The following DIS3L2 variants were observed in gnomAD, a reference collection of about 807,000 sequenced individuals.
The protein encoded by DIS3L2 is DIS3 like 3'-5' exoribonuclease 2.
In DIS3L2, 34 loss-of-function variants were observed where a neutral mutation model predicts 97.5. The ratio of observed to expected loss-of-function variants is 0.35; its 90% confidence interval spans 0.27 to 0.46. The LOEUF (loss-of-function observed/expected upper bound fraction) is 0.46. Ranked by LOEUF, DIS3L2 falls within the 20% of genes least tolerant of loss-of-function variation. The pLI, the probability that DIS3L2 is intolerant of heterozygous loss-of-function variation, is 1.00. For missense variants in DIS3L2, 1,038 were observed against 1,146.0 expected (o/e 0.91, Z 1.36); for synonymous variants, 435 against 445.2 (o/e 0.98, Z 0.29).
At chr2:232,044,114 G>GGGT (rs1314100840) in intron 5 of DIS3L2, among the ~76,000 whole-genome samples, 1 of 147,782 alleles carries the variant, frequency 6.8e-6, no homozygotes, top group African/African-American at 2.5e-5. Flanking sequence ...GGAGAGGCAG[G>GGGT]GGTGGTGGTG....
At chr2:232,331,417 GGCT>G (rs1695733100) in intron 16 of DIS3L2, among the ~76,000 whole-genome samples, 1 of 152,232 alleles carries the variant, frequency 6.6e-6, no homozygotes, top group Admixed American at 6.5e-5. Flanking sequence ...GGCAGAGACA[GGCT>G]GTATTTTAGG....
In DIS3L2 at chr2:232,246,025, A is replaced by G. The variant is rs148198384; in HGVS notation, c.1318-3214A>G. On this transcript the variant is annotated intron_variant, in intron 11 of 20. Coordinates refer to ENST00000325385, the MANE Select transcript of DIS3L2 (RefSeq NM_152383.5). ...ACACTGGAAGTGCCTACCATGCATCAGGTGTAGAGAGAGACAGGAGTGAGG... is the reference window on the plus strand; with the variant it reads ...ACACTGGAAGTGCCTACCATGCATCGGGTGTAGAGAGAGACAGGAGTGAGG... 1.1e-3 allele frequency among the ~76,000 whole-genome samples: 166 copies of G among 152,342 alleles called. 2 individuals are homozygous for G. Among genetic ancestry groups the G allele is most frequent in the African/African-American group, 3.8e-3 (159 of 41,576 alleles).
chr2:232,142,218 G>A (rs1252752915), intron 8 of DIS3L2, among the ~76,000 whole-genome samples: 1 of 152,098 alleles, frequency 6.6e-6, no homozygotes, highest in Non-Finnish European at 1.5e-5. Flanking sequence ...AGGCTGAGGA[G>A]GGGGCTCTTT....
At chr2:232,158,206 G>A (rs1255380884) in intron 8 of DIS3L2, among the ~76,000 whole-genome samples, 2 of 152,092 alleles carry the variant, frequency 1.3e-5, no homozygotes, top group Non-Finnish European at 2.9e-5. Flanking sequence ...CCTTACAATG[G>A]ATTTAATGCT....
chr2:231,989,339 TTG>T (rs59088969), intron 1 of DIS3L2, among the ~76,000 whole-genome samples: 52,633 of 146,532 alleles, frequency 0.36, 10,181 homozygotes, highest in Non-Finnish European at 0.46. Context: ...GTCAGTATAA[TTG>T]TGTGTGTGTG....
chr2:232,021,806 C>T (rs1052959117), intron 3 of DIS3L2, among the ~76,000 whole-genome samples: 1 of 152,080 alleles, frequency 6.6e-6, no homozygotes, highest in Non-Finnish European at 1.5e-5. Flanking sequence ...AGACCTTCCT[C>T]CCTTGGTCCC....
intron 10 of DIS3L2, among the ~76,000 whole-genome samples, chr2:232,216,192 G>A (rs1021642430): frequency 1.3e-5 from 2 of 152,178 alleles, no homozygotes; most frequent in Non-Finnish European, 2.9e-5. Context: ...CCCTTTTACA[G>A]TGTGGCTTCA....
intron 6 of DIS3L2, among the ~76,000 whole-genome samples, chr2:232,105,177 T>C (rs771262930): frequency 1.1e-4 from 17 of 152,234 alleles, no homozygotes; most frequent in Non-Finnish European, 2.5e-4. Context: ...CCTTTGGCTA[T>C]TGAATAGTGA....
intron 12 of DIS3L2, among the ~76,000 whole-genome samples, chr2:232,261,991 A>G (rs781754880): frequency 6.6e-6 from 1 of 152,204 alleles, no homozygotes; most frequent in Non-Finnish European, 1.5e-5. Context: ...TGCCTGTCTC[A>G]TAGCAATTGC....
chr2:232,057,297 T>C (rs981586142), intron 5 of DIS3L2, among the ~76,000 whole-genome samples: 1 of 152,296 alleles, frequency 6.6e-6, no homozygotes, highest in Admixed American at 6.5e-5. Flanking sequence ...ATTCTCCTCC[T>C]TAAATACACA....
At chr2:232,129,516 T>C (rs1342095112) in intron 6 of DIS3L2, among the ~76,000 whole-genome samples, 5 of 152,254 alleles carry the variant, frequency 3.3e-5, no homozygotes, top group Non-Finnish European at 7.3e-5. Context: ...TTGTGTTTGC[T>C]TTTACTTTTT....
chr2:232,075,460 G>A (rs1441967247), intron 5 of DIS3L2, among the ~76,000 whole-genome samples: 1 of 152,104 alleles, frequency 6.6e-6, no homozygotes, highest in East Asian at 1.9e-4. Context: ...CATTATTTGA[G>A]TCTTCCCCAA....
At chr2:232,275,433 T>G (rs1186071572) in intron 13 of DIS3L2, among the ~76,000 whole-genome samples, 1 of 152,196 alleles carries the variant, frequency 6.6e-6, no homozygotes, top group Non-Finnish European at 1.5e-5. Flanking sequence ...CTGTTCACAG[T>G]GATCTGATGT....
chr2:232,010,421 G>A lies in DIS3L2; in HGVS notation c.-93-4414G>A, dbSNP rs149142874. Among the ~76,000 whole-genome samples the A allele has an allele frequency of 3.3e-3, 496 of 152,032 alleles. 1 individual carries two copies. The highest frequency in any genetic ancestry group is 4.6e-3 in the Non-Finnish European group (316 of 67,966). On this transcript the variant is annotated intron_variant, in intron 1 of 20. Coordinates refer to ENST00000325385, the MANE Select transcript of DIS3L2 (RefSeq NM_152383.5). Reference sequence around the variant, plus strand: ...TTTTTTTAAAATGGTATTAAGTAGTGTCTTAATACTACTTGTTGATTAATC... The same window carrying A: ...TTTTTTTAAAATGGTATTAAGTAGTATCTTAATACTACTTGTTGATTAATC...
rs1304712838 is a variant in DIS3L2 at position 231,985,190 on chromosome 2, G to A, written c.-94+23425G>A. On this transcript the variant is annotated intron_variant, in intron 1 of 20. Transcript: ENST00000325385. ...CCACCACCACAGTCAAGATAAAGAAGAGTTCCATCACAAAGATCCCTTGTG... is the reference window on the plus strand; with the variant it reads ...CCACCACCACAGTCAAGATAAAGAAAAGTTCCATCACAAAGATCCCTTGTG... Among the ~76,000 whole-genome samples, 5 of 152,204 alleles carry A rather than the reference G, an allele frequency of 3.3e-5. No homozygotes were observed. In the East Asian group the frequency reaches 9.6e-4, roughly 29 times the overall value.
chr2:232,333,758 T>TA, intron 16 of DIS3L2, 82 bp from the exon 17 acceptor site: 2 of 1,401,638 alleles, frequency 1.4e-6, no homozygotes, highest in East Asian at 2.6e-5. Flanking sequence ...CTGCCGACGG[T>TA]GAGGCTGTGG....
chr2:232,132,462 A>C (rs1698248990), intron 7 of DIS3L2, among the ~76,000 whole-genome samples: 1 of 152,206 alleles, frequency 6.6e-6, no homozygotes, highest in Non-Finnish European at 1.5e-5. Context: ...AGAGGCAACC[A>C]AAGGAGAATT....
rs530248038 is a variant in DIS3L2, at chr2:232,047,483, G to A, written c.366+17403G>A. 1.1e-4 allele frequency among the ~76,000 whole-genome samples: 17 copies of A among 152,274 alleles called. No homozygotes were observed. In the South Asian group the frequency reaches 2.3e-3, roughly 20 times the overall value. ...TGATTTATTATTTGTAATTGGAATTGTCTTTTCATTCAGACACTTTCTTTG... is the reference window on the plus strand; with the variant it reads ...TGATTTATTATTTGTAATTGGAATTATCTTTTCATTCAGACACTTTCTTTG... On this transcript the variant is annotated intron_variant, in intron 5 of 20. Coordinates refer to ENST00000325385, the MANE Select transcript of DIS3L2 (RefSeq NM_152383.5).
chr2:232,226,009 G>A lies in DIS3L2; in HGVS notation c.1205-12524G>A, dbSNP rs543172855. On this transcript the variant is annotated intron_variant, in intron 10 of 20. Transcript: ENST00000325385. ...CAGAAATAGATTAGTAGTTGCCTGC[G>A]GCTGGGAAGGTTGGGAGGAAGTAGG... is the stretch of plus-strand genomic sequence containing the variant. Among the ~76,000 whole-genome samples the A allele has an allele frequency of 8.5e-5, 13 of 152,324 alleles. No individual in the cohort carries two copies. In the South Asian group the frequency reaches 2.5e-3, roughly 29 times the overall value.
Sources: gnomAD v4.1 joint callset for allele counts (sites outside exome capture counted in the v4.1 genomes callset) on GRCh38, gnomAD v4.1.1 for gene constraint, MANE v1.5 for transcripts, NCBI Gene and HGNC (gene_info 2026-07-23, HGNC 2026-07-21) for gene names.